Variants in TTI2 observed in about 807,000 individuals in gnomAD.
TTI2 encodes TELO2 interacting protein 2.
TTI2 carries 26 observed loss-of-function variants against 44.9 expected under a neutral mutation model. The ratio of observed to expected loss-of-function variants is 0.58; its 90% CI spans 0.42 to 0.80. TTI2 has a LOEUF of 0.80. TTI2 is among the 30% of genes least tolerant of loss of function. TTI2 has a pLI of 0.00. For synonymous variants in TTI2, 254 were observed against 250.9 expected, an observed-to-expected ratio of 1.01 and a Z score of -0.12; for missense variants, 582 against 611.6, an observed-to-expected ratio of 0.95 and a Z score of 0.51.
chr8:33,503,144 A>AC (rs766523563), intron 6 of TTI2, among the ~76,000 whole-genome samples: 4,280 of 145,372 alleles, frequency 0.029, 92 homozygotes, highest in African/African-American at 0.046. Flanking sequence ...AAAAAAAAAA[A>AC]AAAACAAAAA....
rs1240619955 is a variant in TTI2 at position 33,503,424 on chromosome 8, A to C, written c.1259+5T>G. On this transcript the variant is annotated splice_donor_5th_base_variant and intron_variant, in intron 6 of 7. Coordinates refer to ENST00000431156, the MANE Select transcript of TTI2 (RefSeq NM_001102401.4). Reference sequence around the variant, plus strand: ...CTGAGTTTTGCACCTTAAGGCTGCTATTACCTGGGCCAAGTATGTTGCATG... The same window carrying C: ...CTGAGTTTTGCACCTTAAGGCTGCTCTTACCTGGGCCAAGTATGTTGCATG... 6.2e-7 allele frequency: 1 copy of C among 1,614,006 alleles called. No individual in the cohort carries two copies. The highest frequency in any genetic ancestry group is 1.7e-5 in the Admixed American group (1 of 59,992).
intron 6 of TTI2, chr8:33,501,307 C>T (rs570252985): frequency 1.3e-5 from 2 of 152,140 alleles, no homozygotes; most frequent in Non-Finnish European, 2.9e-5. Flanking sequence ...CTAAATACTC[C>T]TCATTTTCCT....
rs1425192544 is a variant in TTI2 at position 33,512,568 on chromosome 8, T to C, written c.46A>G (p.Asn16Asp). The stretch of plus-strand genomic sequence containing the variant: ...GAGTGAGACAACTCCTCGGACAAAT[T>C]AGAGTCTTCCTGCGATGGGGCTTCC... Reference protein sequence around the residue: ...ALEAPSQEDSNLSEELSHSAF... With the variant: ...ALEAPSQEDSDLSEELSHSAF... Residue 16 changes from asparagine to aspartate, a missense_variant, in exon 2 of 8, where the codon AAT (asparagine) becomes GAT (aspartate). By Grantham distance (23) the Asn-to-Asp change is conservative. Coordinates refer to ENST00000431156, the MANE Select transcript of TTI2 (RefSeq NM_001102401.4). The C allele has an allele frequency of 6.2e-7, 1 of 1,613,866 alleles. No individual in the cohort carries two copies. Among genetic ancestry groups the C allele is most frequent in the Non-Finnish European group, 8.5e-7 (1 of 1,180,018 alleles).
chr8:33,512,183 T>C lies in TTI2; in HGVS notation c.431A>G (p.His144Arg), dbSNP rs139667147. The C allele has an allele frequency of 5.0e-6, 8 of 1,614,212 alleles. No individual in the cohort carries two copies. In the African/African-American group the frequency reaches 9.3e-5, roughly 19 times the overall value. Residue 144 changes from histidine to arginine, a missense_variant, in exon 2 of 8, where the codon CAT becomes CGT. Physicochemically the swap from His to Arg is conservative, Grantham distance 29. Transcript: ENST00000431156. ...AATATAAACGGGTCCTGCCAAGTGA[T>C]GCAGGCCCGTCTGCCATGCAGGGCC... The part of the protein sequence containing the change: ...LVGPAWQTGL[H>R]HLAGPVYIFA...
intron 6 of TTI2, among the ~76,000 whole-genome samples, chr8:33,501,675 A>G (rs1177258857): frequency 1.3e-5 from 2 of 152,228 alleles, no homozygotes; most frequent in African/African-American, 2.4e-5. Flanking sequence ...CTAGTTACCA[A>G]TATGACTAAG....
intron 7 of TTI2, 41 bp downstream of exon 7, chr8:33,500,287 A>C: frequency 6.2e-7 from 1 of 1,612,042 alleles, no homozygotes; most frequent in Non-Finnish European, 8.5e-7. Context: ...TTACATAAGG[A>C]TAATGAGGCC....
chr8:33,500,480 T>A lies in TTI2; in HGVS notation c.1270A>T (p.Arg424Ter). ...AGGGCCTTCAGTAAGACCACAAGTC[T>A]GCAGGAAACTCTGGAATCAGGAAGA... ...MQHTWPRVSC[R>*]LVVLLKALLK... The change falls in exon 7 of 8, where the codon AGA (arginine) becomes TGA (stop). Residue 424 changes from arginine (R) to a stop codon, truncating the protein, a stop_gained. Coordinates refer to ENST00000431156, the MANE Select transcript of TTI2 (RefSeq NM_001102401.4). LOFTEE classifies it high-confidence loss of function. 1 of 1,614,102 alleles carries A rather than the reference T, an allele frequency of 6.2e-7. No individual in the cohort carries two copies. Among genetic ancestry groups the A allele is most frequent in the Non-Finnish European group, 8.5e-7 (1 of 1,180,004 alleles).
intron 3 of TTI2, among the ~76,000 whole-genome samples, chr8:33,509,424 C>A (rs184762251): frequency 2.2e-4 from 29 of 129,106 alleles, no homozygotes; most frequent in Non-Finnish European, 3.7e-4. Flanking sequence ...CCACTGCACT[C>A]TAGCCTGGGT....
intron 4 of TTI2, among the ~76,000 whole-genome samples, chr8:33,504,393 C>T (rs1234620366): frequency 7.0e-6 from 1 of 142,360 alleles, no homozygotes; most frequent in Non-Finnish European, 1.5e-5. Context: ...GCTTCTCAGG[C>T]TCAAGCGATT....
At chr8:33,506,728 T>C (rs984292262) in intron 4 of TTI2, among the ~76,000 whole-genome samples, 17 of 147,394 alleles carry the variant, frequency 1.2e-4, no homozygotes, top group African/African-American at 3.8e-4. Flanking sequence ...AGTCTCGCAC[T>C]GTCACCCAGG....
At chr8:33,500,851 T>C (rs1390553774) in intron 6 of TTI2, 1 of 192,184 alleles carries the variant, frequency 5.2e-6, no homozygotes, top group East Asian at 1.4e-4. Context: ...TGAACTATGC[T>C]TGGAGAGAGC....
At position 33,507,218 on chromosome 8, in the gene TTI2, C is replaced by T. The variant is rs779753012; in HGVS notation, c.927+11G>A. On this transcript the variant is annotated intron_variant, in intron 4 of 7. Transcript: ENST00000431156. ...AATCCAGACCCAGTTATGAAGAAATCATACTATTACCTGAATGAGGTGGTG... is the reference window on the plus strand; with the variant it reads ...AATCCAGACCCAGTTATGAAGAAATTATACTATTACCTGAATGAGGTGGTG... The T allele has an allele frequency of 7.4e-6, 12 of 1,611,804 alleles. No homozygotes were observed. In the South Asian group the frequency reaches 1.1e-4, roughly 15 times the overall value.
intron 7 of TTI2, 153 bp downstream of exon 7, chr8:33,500,175 T>C: frequency 1.3e-6 from 1 of 765,510 alleles, no homozygotes; most frequent in Non-Finnish European, 2.1e-6. Flanking sequence ...AAGATCAAGC[T>C]CTTTTGAGGC....
Position 33,503,802 on chromosome 8 carries a change from T to C in TTI2, c.1061A>G (p.His354Arg), listed in dbSNP as rs775103730. Residue 354 changes from histidine to arginine, a missense_variant, in exon 5 of 8, where the codon CAC becomes CGC. His to Arg is a conservative substitution (Grantham distance 29, BLOSUM62 0). Coordinates refer to ENST00000431156, the MANE Select transcript of TTI2 (RefSeq NM_001102401.4). The stretch of plus-strand genomic sequence containing the variant: ...GTAGGTCCTGCGTAAAAGAAGGCGG[T>C]GCTCTGGCTCCATGTGGGTCAGGAT... ...RLILTHMEPE[H>R]RLLLRRTYAR... 6.2e-7 allele frequency: 1 copy of C among 1,614,072 alleles called. No individual in the cohort carries two copies. The highest frequency in any genetic ancestry group is 1.7e-5 in the Admixed American group (1 of 59,998).
chr8:33,510,064 ACT>A, intron 2 of TTI2, 132 bp from the exon 3 acceptor site: 2 of 725,546 alleles, frequency 2.8e-6, no homozygotes, highest in Non-Finnish European at 4.6e-6. Context: ...ACATAAGATA[ACT>A]CTTGATTCTA....
At chr8:33,500,216 C>T in intron 7 of TTI2, 112 bp downstream of exon 7, 1 of 1,271,394 alleles carries the variant, frequency 7.9e-7, no homozygotes, top group Non-Finnish European at 1.1e-6. Context: ...CTAAAACCCT[C>T]CATGTTCATT....
At chr8:33,503,720 A>T in intron 5 of TTI2, 28 bp downstream of exon 5, 1 of 1,611,594 alleles carries the variant, frequency 6.2e-7, no homozygotes, top group South Asian at 1.1e-5. Context: ...TGTATAAAAT[A>T]ATAATAAATA....
intron 3 of TTI2, among the ~76,000 whole-genome samples, chr8:33,509,065 C>A (rs1029163927): frequency 1.3e-5 from 2 of 150,260 alleles, no homozygotes; most frequent in African/African-American, 4.9e-5. Context: ...ATCACTTGAA[C>A]CCGGGAGGCA....
chr8:33,510,102 A>C (rs1809473457), intron 2 of TTI2, among the ~76,000 whole-genome samples, 170 bp from the exon 3 acceptor site: 2 of 152,156 alleles, frequency 1.3e-5, no homozygotes, highest in Non-Finnish European at 2.9e-5. Context: ...GATCTGGATT[A>C]AAATAACTTC....
Sources: gnomAD v4.1 joint callset for allele counts (sites outside exome capture counted in the v4.1 genomes callset) on GRCh38, gnomAD v4.1.1 for gene constraint, MANE v1.5 for transcripts, NCBI Gene and HGNC (gene_info 2026-07-23, HGNC 2026-07-21) for gene names.